Variants in RSPH14 observed in about 807,000 individuals in gnomAD.
The protein encoded by RSPH14 is rhabdoid tumor deletion region gene 1.
Under a neutral mutation model 26.7 loss-of-function variants are expected in RSPH14, and 20 were observed. The ratio of observed to expected loss-of-function variants is 0.75; its 90% CI spans 0.53 to 1.09. The LOEUF is 1.09. Ranked by LOEUF, RSPH14 falls within the 50% of genes least tolerant of loss-of-function variation. The probability of loss-of-function intolerance (pLI) is 0.00; values close to 1 mark genes in which losing one functional copy is unlikely to be tolerated. For synonymous variants in RSPH14, 177 were observed against 189.3 expected, an observed-to-expected ratio of 0.93 and a Z score of 0.53; for missense variants, 449 against 457.2, an observed-to-expected ratio of 0.98 and a Z score of 0.16.
At chr22:23,133,682 C>A (rs2070406992) in intron 4 of RSPH14, among the ~76,000 whole-genome samples, 3 of 152,120 alleles carry the variant, frequency 2.0e-5, no homozygotes, top group African/African-American at 7.2e-5. Flanking sequence ...CTCCGCCTCC[C>A]AGGTTCAAGC....
At chr22:23,134,181 C>A in intron 3 of RSPH14, 37 bp from the exon 4 acceptor site, 1 of 1,501,630 alleles carries the variant, frequency 6.7e-7, no homozygotes, top group South Asian at 1.2e-5. Flanking sequence ...ATAAGTGAGA[C>A]CATGCCCTGA....
intron 4 of RSPH14, among the ~76,000 whole-genome samples, chr22:23,099,694 G>A (rs376978670): frequency 1.3e-5 from 2 of 152,366 alleles, no homozygotes; most frequent in East Asian, 3.9e-4. Flanking sequence ...CCATGGCAGA[G>A]GCTCTGCCCC....
upstream of RSPH14, chr22:23,145,443 G>T (rs754448252): frequency 9.9e-6 from 16 of 1,610,658 alleles, no homozygotes; most frequent in East Asian, 3.3e-4. Flanking sequence ...CGACGTCGAC[G>T]ATTCGTGTAG....
chr22:23,086,085 G>A (rs1180929934), intron 4 of RSPH14, among the ~76,000 whole-genome samples: 1 of 152,234 alleles, frequency 6.6e-6, no homozygotes, highest in Non-Finnish European at 1.5e-5. Context: ...GTCTACGGCG[G>A]GTGACCCTGG....
chr22:23,173,636 GT>G, the RSPH14 span, among the ~76,000 whole-genome samples: 789 of 107,610 alleles, frequency 7.3e-3, 12 homozygotes, highest in African/African-American at 0.025. Flanking sequence ...TTTGTTTTTT[GT>G]TTTTTTTTTT....
chr22:23,124,945 T>A (rs897026888), intron 4 of RSPH14: 4 of 152,332 alleles, frequency 2.6e-5, no homozygotes, highest in Non-Finnish European at 4.4e-5. Context: ...GCCAAGGACG[T>A]GAAGAGATGT....
chr22:23,117,632 A>G (rs2069888724), intron 4 of RSPH14, among the ~76,000 whole-genome samples: 1 of 152,246 alleles, frequency 6.6e-6, no homozygotes, highest in Non-Finnish European at 1.5e-5. Flanking sequence ...CTGGGGTGCC[A>G]GTGGTAGCCA....
intron 4 of RSPH14, among the ~76,000 whole-genome samples, chr22:23,111,429 C>T (rs749609964): frequency 6.6e-6 from 1 of 152,220 alleles, no homozygotes; most frequent in Non-Finnish European, 1.5e-5. Context: ...TGGGACAGGG[C>T]CCCATCTGCA....
At chr22:23,083,737 GT>G (rs1215053070) in intron 4 of RSPH14, among the ~76,000 whole-genome samples, 1 of 152,186 alleles carries the variant, frequency 6.6e-6, no homozygotes, top group Non-Finnish European at 1.5e-5. Context: ...AAAAGGACCA[GT>G]TTGTGGGGCA....
At chr22:23,167,052 T>C in the RSPH14 span, among the ~76,000 whole-genome samples, 1 of 152,042 alleles carries the variant, frequency 6.6e-6, no homozygotes, top group African/African-American at 2.4e-5. Context: ...TGCAGACAGC[T>C]GAAGAGATGG....
intron 4 of RSPH14, among the ~76,000 whole-genome samples, chr22:23,101,370 G>A (rs2069299442): frequency 6.6e-6 from 1 of 152,176 alleles, no homozygotes; most frequent in African/African-American, 2.4e-5. Flanking sequence ...AAGGGCCTTG[G>A]GGGTATAGAC....
intron 4 of RSPH14, among the ~76,000 whole-genome samples, chr22:23,102,785 A>G (rs1421952700): frequency 1.3e-5 from 2 of 152,260 alleles, no homozygotes; most frequent in Non-Finnish European, 2.9e-5. Context: ...TGCAGCAGCC[A>G]GGAGGCCAAC....
At chr22:23,151,127 A>G in the RSPH14 span, among the ~76,000 whole-genome samples, 1 of 152,184 alleles carries the variant, frequency 6.6e-6, no homozygotes, top group Non-Finnish European at 1.5e-5. Flanking sequence ...GCTGCCAGAG[A>G]GCGCAGCTAG....
chr22:23,068,640 G>A (rs2068265843), intron 4 of RSPH14, among the ~76,000 whole-genome samples: 1 of 152,248 alleles, frequency 6.6e-6, no homozygotes, highest in Non-Finnish European at 1.5e-5. Flanking sequence ...ACTGTTGCAT[G>A]TGGGCTTACC....
chr22:23,077,677 C>T (rs951348336), intron 4 of RSPH14, among the ~76,000 whole-genome samples: 2 of 152,156 alleles, frequency 1.3e-5, no homozygotes, highest in East Asian at 1.9e-4. Flanking sequence ...TTGTGGGGCC[C>T]GGTGGTCCTG....
At chr22:23,171,735 G>A in the RSPH14 span, among the ~76,000 whole-genome samples, 2 of 151,174 alleles carry the variant, frequency 1.3e-5, no homozygotes, top group African/African-American at 4.9e-5. Flanking sequence ...TCAGCTACTC[G>A]GGAGGCTGAG....
chr22:23,064,164 G>C, intron 4 of RSPH14, 31 bp from the exon 5 acceptor site: 1 of 1,603,832 alleles, frequency 6.2e-7, no homozygotes. Context: ...CTGAGGGCGG[G>C]CTGGCCACAC....
intron 4 of RSPH14, chr22:23,124,842 T>C (rs1330321159): frequency 6.5e-6 from 1 of 153,596 alleles, no homozygotes; most frequent in Non-Finnish European, 1.5e-5. Flanking sequence ...AACTGCGCCA[T>C]GGAGAGGAGA....
intron 3 of RSPH14, among the ~76,000 whole-genome samples, chr22:23,135,317 CAAAAAAA>C (rs55649510): frequency 7.2e-4 from 62 of 85,884 alleles, no homozygotes; most frequent in African/African-American, 1.2e-3. Context: ...ACTAAAAATA[CAAAAAAA>C]AAAAAAAAAA....
Sources: allele counts gnomAD v4.1 joint callset (sites outside exome capture counted in the v4.1 genomes callset), GRCh38; gene constraint gnomAD v4.1.1; transcripts MANE v1.5; gene names NCBI Gene and HGNC (gene_info 2026-07-23, HGNC 2026-07-21).